Variants in ST6GALNAC3 observed in about 807,000 individuals in gnomAD.
ST6GALNAC3 encodes the protein ST6 N-acetylgalactosaminide alpha-2,6-sialyltransferase 3, also known as alpha-N-acetylgalactosaminide alpha-2,6-sialyltransferase 3.
ST6GALNAC3 carries 25 observed loss-of-function variants against 32.7 expected under a neutral mutation model. The ratio of observed to expected loss-of-function variants is 0.76; its 90% CI spans 0.56 to 1.07. The LOEUF (loss-of-function observed/expected upper bound fraction) is 1.07, where lower values mean the gene tolerates loss of function less well. Ranked by LOEUF, ST6GALNAC3 falls within the 50% of genes least tolerant of loss-of-function variation. The probability of loss-of-function intolerance (pLI) is 0.00; values close to 1 mark genes in which losing one functional copy is unlikely to be tolerated. For synonymous variants in ST6GALNAC3, 129 were observed against 133.1 expected, an observed-to-expected ratio of 0.97 and a Z score of 0.21; for missense variants, 355 against 382.4, an observed-to-expected ratio of 0.93 and a Z score of 0.60.
chr1:76,333,767 T>C (rs1438017661), intron 2 of ST6GALNAC3, among the ~76,000 whole-genome samples: 1 of 152,182 alleles, frequency 6.6e-6, no homozygotes, highest in Non-Finnish European at 1.5e-5. Flanking sequence ...TTGGGCCAGA[T>C]GCAGTGGGAG....
At chr1:76,472,384 A>G (rs547354150) in intron 3 of ST6GALNAC3, among the ~76,000 whole-genome samples, 7 of 152,100 alleles carry the variant, frequency 4.6e-5, no homozygotes, top group Non-Finnish European at 8.8e-5. Context: ...GATGAATGCC[A>G]ATAGCTGTCA....
intron 3 of ST6GALNAC3, among the ~76,000 whole-genome samples, chr1:76,419,971 C>A (rs1341980626): frequency 5.2e-5 from 6 of 116,442 alleles, no homozygotes; most frequent in Non-Finnish European, 8.8e-5. Context: ...TTGTTTGTTT[C>A]AAGGAGTGGA....
intron 1 of ST6GALNAC3, among the ~76,000 whole-genome samples, chr1:76,154,335 G>A (rs944490494): frequency 1.3e-4 from 20 of 152,132 alleles, no homozygotes; most frequent in African/African-American, 4.8e-4. Context: ...TAAAGCAATC[G>A]TACTGGGGAA....
chr1:76,508,433 T>G (rs1661618224), intron 3 of ST6GALNAC3, among the ~76,000 whole-genome samples: 1 of 152,142 alleles, frequency 6.6e-6, no homozygotes, highest in South Asian at 2.1e-4. Context: ...CCCACTACTA[T>G]AGTTATATAA....
At chr1:76,417,620 A>C (rs552792454) in intron 3 of ST6GALNAC3, among the ~76,000 whole-genome samples, 2 of 152,314 alleles carry the variant, frequency 1.3e-5, no homozygotes, top group Middle Eastern at 3.4e-3. Context: ...AATGTGAGAT[A>C]TTCTGCTTTC....
intron 1 of ST6GALNAC3, among the ~76,000 whole-genome samples, chr1:76,163,165 C>T (rs1423730366): frequency 6.6e-6 from 1 of 152,118 alleles, no homozygotes; most frequent in African/African-American, 2.4e-5. Context: ...TACTCTAAAA[C>T]CTTATAGTAT....
At chr1:76,273,475 G>C (rs1658968110) in intron 1 of ST6GALNAC3, among the ~76,000 whole-genome samples, 1 of 151,858 alleles carries the variant, frequency 6.6e-6, no homozygotes. Context: ...CTGAGAGGAA[G>C]AGCTCACAGT....
chr1:76,469,549 A>G (rs568036144), intron 3 of ST6GALNAC3, among the ~76,000 whole-genome samples: 1 of 152,126 alleles, frequency 6.6e-6, no homozygotes, highest in Non-Finnish European at 1.5e-5. Flanking sequence ...GAGTTTTGTT[A>G]CTGGCTGGAA....
intron 1 of ST6GALNAC3, among the ~76,000 whole-genome samples, chr1:76,133,623 A>G (rs1649752911): frequency 1.3e-5 from 2 of 152,242 alleles, no homozygotes; most frequent in African/African-American, 4.8e-5. Context: ...CAGAAACATA[A>G]GCCCTTGCTT....
intron 1 of ST6GALNAC3, among the ~76,000 whole-genome samples, chr1:76,117,366 G>C (rs1648548857): frequency 6.6e-6 from 1 of 152,140 alleles, no homozygotes; most frequent in Non-Finnish European, 1.5e-5. Context: ...AAAAACACTT[G>C]GACAAGATAA....
At chr1:76,162,115 G>A (rs893846848) in intron 1 of ST6GALNAC3, among the ~76,000 whole-genome samples, 2 of 152,152 alleles carry the variant, frequency 1.3e-5, no homozygotes, top group Non-Finnish European at 2.9e-5. Flanking sequence ...AGCTTAATAT[G>A]TTGGCTTTGC....
intron 1 of ST6GALNAC3, among the ~76,000 whole-genome samples, chr1:76,209,621 C>G (rs948477279): frequency 6.6e-6 from 1 of 152,138 alleles, no homozygotes; most frequent in Non-Finnish European, 1.5e-5. Flanking sequence ...TTAGCTTACT[C>G]GACGGGAATC....
intron 1 of ST6GALNAC3, among the ~76,000 whole-genome samples, chr1:76,264,353 TG>T (rs201703591): frequency 0.011 from 1,700 of 152,296 alleles, 30 homozygotes; most frequent in African/African-American, 0.038. Context: ...TCAGTAACTA[TG>T]TAGGTGTTAT....
intron 1 of ST6GALNAC3, among the ~76,000 whole-genome samples, chr1:76,311,000 C>A (rs1041422266): frequency 3.9e-5 from 6 of 152,278 alleles, no homozygotes; most frequent in East Asian, 3.9e-4. Flanking sequence ...CACATGGACC[C>A]CAAATCTGAG....
At chr1:76,636,335 G>A (rs781541269), downstream of ST6GALNAC3, among the ~76,000 whole-genome samples, 5 of 152,002 alleles carry the variant, frequency 3.3e-5, no homozygotes, top group African/African-American at 4.8e-5. Flanking sequence ...CTGATCAACC[G>A]CTTGTTTTTG....
chr1:76,274,163 A>G (rs1198440949), intron 1 of ST6GALNAC3, among the ~76,000 whole-genome samples: 2 of 152,220 alleles, frequency 1.3e-5, no homozygotes, highest in African/African-American at 4.8e-5. Flanking sequence ...TTCTCAAACT[A>G]TGGATCAATT....
intron 2 of ST6GALNAC3, among the ~76,000 whole-genome samples, chr1:76,410,373 C>T (rs1654147109): frequency 6.6e-6 from 1 of 152,028 alleles, no homozygotes; most frequent in Non-Finnish European, 1.5e-5. Flanking sequence ...TCAAGTCTTT[C>T]CTCAAAGATT....
intron 1 of ST6GALNAC3, among the ~76,000 whole-genome samples, chr1:76,146,709 A>C (rs1018621124): frequency 2.6e-5 from 4 of 152,266 alleles, no homozygotes; most frequent in Admixed American, 2.0e-4. Context: ...CCGCTAAAAA[A>C]AATTGATCAG....
At position 76,534,744 on chromosome 1, in the gene ST6GALNAC3, T is replaced by C. The variant is rs576048322; in HGVS notation, c.624-92708T>C. 3.9e-5 allele frequency among the ~76,000 whole-genome samples: 6 copies of C among 152,328 alleles called. No homozygotes were observed. The East Asian group carries it at 1.2e-3, about 29-fold the overall frequency. On this transcript the variant is annotated intron_variant, in intron 3 of 4. Coordinates refer to ENST00000328299, the MANE Select transcript of ST6GALNAC3 (RefSeq NM_152996.4). The stretch of plus-strand genomic sequence containing the variant: ...CATGAAGGTAGGTATTTTTCTTTGT[T>C]CATAACCATATCTCCAGTGTCTAAA...
Sources: gnomAD v4.1 joint callset for allele counts (sites outside exome capture counted in the v4.1 genomes callset) on GRCh38, gnomAD v4.1.1 for gene constraint, MANE v1.5 for transcripts, NCBI Gene and HGNC (gene_info 2026-07-23, HGNC 2026-07-21) for gene names.